COL25A1: variants seen among roughly 807,000 people sequenced by gnomAD.
The protein encoded by COL25A1 is collagen type XXV alpha 1 chain.
COL25A1 carries 103 observed loss-of-function variants against 128.4 expected under a neutral mutation model. That is an observed-to-expected ratio of 0.80 (90% CI 0.68 to 0.94). The LOEUF (loss-of-function observed/expected upper bound fraction) is 0.94, where lower values mean the gene tolerates loss of function less well. Among genes scored for constraint, COL25A1 ranks in the 40% least tolerant of loss-of-function variants. The pLI is 0.00. For synonymous variants in COL25A1, 279 were observed against 277.2 expected (o/e 1.01, Z -0.06); for missense variants, 745 against 840.0 (o/e 0.89, Z 1.40).
chr4:109,227,161 T>C (rs2126216355), intron 3 of COL25A1, among the ~76,000 whole-genome samples: 1 of 152,260 alleles, frequency 6.6e-6, no homozygotes, highest in African/African-American at 2.4e-5. Flanking sequence ...AATTTCTTCG[T>C]TTTTTGAGGA....
chr4:108,969,055 G>A (rs1751631134), intron 8 of COL25A1, among the ~76,000 whole-genome samples: 1 of 152,116 alleles, frequency 6.6e-6, no homozygotes, highest in South Asian at 2.1e-4. Flanking sequence ...AGTGTCAGCT[G>A]AATAGGGACA....
intron 20 of COL25A1, among the ~76,000 whole-genome samples, chr4:108,867,068 G>A (rs1245801478): frequency 1.3e-5 from 2 of 152,196 alleles, no homozygotes; most frequent in Non-Finnish European, 2.9e-5. Context: ...AGTAATTAAT[G>A]TGGATTTTAT....
At chr4:109,138,067 A>G (rs1182425219) in intron 3 of COL25A1, among the ~76,000 whole-genome samples, 1 of 150,842 alleles carries the variant, frequency 6.6e-6, no homozygotes. Context: ...TACACGTACC[A>G]TGGTGGTTTG....
chr4:109,021,963 G>A (rs925704187), intron 5 of COL25A1, among the ~76,000 whole-genome samples: 4 of 152,118 alleles, frequency 2.6e-5, no homozygotes, highest in South Asian at 2.1e-4. Context: ...AAGACAATAC[G>A]TGCACTGCTG....
chr4:109,006,223 G>A (rs989274230), intron 6 of COL25A1, among the ~76,000 whole-genome samples: 3 of 150,834 alleles, frequency 2.0e-5, no homozygotes, highest in Non-Finnish European at 3.0e-5. Flanking sequence ...CTAATTTTGT[G>A]GGGGGGTGGC....
intron 3 of COL25A1, among the ~76,000 whole-genome samples, chr4:109,200,368 T>G (rs117759369): frequency 6.6e-6 from 1 of 152,216 alleles, no homozygotes; most frequent in Non-Finnish European, 1.5e-5. Flanking sequence ...TATCAAAGAA[T>G]TTTGAATCAC....
chr4:109,299,014 A>G (rs1463896635), intron 3 of COL25A1, among the ~76,000 whole-genome samples: 2 of 152,248 alleles, frequency 1.3e-5, no homozygotes. Context: ...TTCAGTAGCT[A>G]GCCTACATTA....
At chr4:109,290,454 A>G (rs1251910821) in intron 3 of COL25A1, among the ~76,000 whole-genome samples, 1 of 152,098 alleles carries the variant, frequency 6.6e-6, no homozygotes, top group Non-Finnish European at 1.5e-5. Context: ...CTCTTTATGG[A>G]AGGAATTTCT....
chr4:108,866,968 A>G (rs763587595), intron 20 of COL25A1, among the ~76,000 whole-genome samples: 19 of 152,226 alleles, frequency 1.2e-4, no homozygotes, highest in Non-Finnish European at 2.2e-4. Context: ...CAAAATAGGT[A>G]GAATACATTC....
intron 13 of COL25A1, among the ~76,000 whole-genome samples, chr4:108,912,333 T>C (rs1405069943): frequency 6.6e-6 from 1 of 152,116 alleles, no homozygotes; most frequent in African/African-American, 2.4e-5. Flanking sequence ...GGAATTCTAA[T>C]CTATACAATT....
chr4:109,160,365 C>A (rs771687332), intron 3 of COL25A1, among the ~76,000 whole-genome samples: 6 of 152,002 alleles, frequency 3.9e-5, no homozygotes, highest in East Asian at 1.9e-4. Context: ...TGAAAACAAT[C>A]AAAAATTTTA....
Position 108,813,674 on chromosome 4 carries a change from T to C in COL25A1, c.*253A>G, listed in dbSNP as rs925640247. On this transcript the variant is annotated 3_prime_UTR_variant, in exon 38 of 38. Transcript: ENST00000399132. ...TCATTCTCTACCACTGATTTGTCCA[T>C]ATAAATACGTATCTTCACATAAGAT... 2.4e-6 allele frequency: 1 copy of C among 408,428 alleles called. No individual in the cohort carries two copies. The highest frequency in any genetic ancestry group is 4.4e-6 in the Non-Finnish European group (1 of 225,332). The allele number at this position is 408,428 out of a possible 1,614,324, so 25.3% of individuals were successfully genotyped here.
intron 8 of COL25A1, among the ~76,000 whole-genome samples, chr4:108,972,807 T>C (rs1047319525): frequency 3.3e-5 from 5 of 152,184 alleles, no homozygotes; most frequent in African/African-American, 1.2e-4. Flanking sequence ...TCATGAACTT[T>C]GGCCAAACTT....
chr4:108,940,410 C>A (rs1747943515), intron 10 of COL25A1, 129 bp downstream of exon 10: 1 of 787,032 alleles, frequency 1.3e-6, no homozygotes, highest in Admixed American at 1.8e-5. Context: ...CATCATCCCA[C>A]TTCCCTCAAC....
chr4:109,102,199 A>T (rs1210845405), intron 3 of COL25A1, among the ~76,000 whole-genome samples: 1 of 152,162 alleles, frequency 6.6e-6, no homozygotes, highest in Non-Finnish European at 1.5e-5. Context: ...TTTTACATGT[A>T]AAATATAATG....
At chr4:108,960,747 C>T (rs967294170) in intron 8 of COL25A1, among the ~76,000 whole-genome samples, 1 of 151,978 alleles carries the variant, frequency 6.6e-6, no homozygotes, top group Admixed American at 6.6e-5. Context: ...AATTAGTCTC[C>T]AAGTTTTCTC....
At chr4:109,296,339 G>C (rs1724987805) in intron 3 of COL25A1, among the ~76,000 whole-genome samples, 1 of 151,716 alleles carries the variant, frequency 6.6e-6, no homozygotes, top group Non-Finnish European at 1.5e-5. Flanking sequence ...TAAAATCTTT[G>C]GGTTTACAAA....
At chr4:108,990,240 ATATATATATATATAT>A (rs1272395694) in intron 6 of COL25A1, among the ~76,000 whole-genome samples, 1 of 13,602 alleles carries the variant, frequency 7.4e-5, no homozygotes, top group Admixed American at 1.3e-3. Flanking sequence ...AAAAAAAAAA[ATATATATATATATAT>A]ATATATATAT....
intron 13 of COL25A1, among the ~76,000 whole-genome samples, chr4:108,909,862 C>T (rs1744002188): frequency 6.6e-6 from 1 of 152,186 alleles, no homozygotes; most frequent in Non-Finnish European, 1.5e-5. Flanking sequence ...TCTCTCCAGC[C>T]CTAGTTCTCT....
Sources: gnomAD v4.1 joint callset for allele counts (sites outside exome capture counted in the v4.1 genomes callset) on GRCh38, gnomAD v4.1.1 for gene constraint, MANE v1.5 for transcripts, NCBI Gene and HGNC (gene_info 2026-07-23, HGNC 2026-07-21) for gene names.